The following UBXN6 variants were observed in gnomAD, a reference collection of about 807,000 sequenced individuals.
The protein encoded by UBXN6 is UBX domain-containing protein 6.
A neutral mutation model predicts 51.4 loss-of-function variants in UBXN6; 44 were observed. The observed-to-expected ratio is 0.86, with a 90% CI of 0.67 to 1.10. The LOEUF (loss-of-function observed/expected upper bound fraction) is 1.10, where lower values mean the gene tolerates loss of function less well. UBXN6 is among the 50% of genes least tolerant of loss of function. The pLI is 0.00. For synonymous variants in UBXN6, 316 were observed against 263.2 expected, an observed-to-expected ratio of 1.20 and a Z score of -1.94; for missense variants, 672 against 596.1, an observed-to-expected ratio of 1.13 and a Z score of -1.32.
In UBXN6 at chr19:4,446,123, G is replaced by A; in HGVS notation, c.1126C>T (p.Pro376Ser). 1 of 1,612,356 alleles carries A rather than the reference G, an allele frequency of 6.2e-7. No individual in the cohort carries two copies. The highest frequency in any genetic ancestry group is 8.5e-7 in the Non-Finnish European group (1 of 1,179,850). Residue 376 changes from proline to serine, a missense_variant, in exon 10 of 11, where the codon CCT becomes TCT. Coordinates refer to ENST00000301281, the MANE Select transcript of UBXN6 (RefSeq NM_025241.3). ...CCTCCCGAGGCCAGCAGCTCAAAAGGCAGCCAGTCGCTCTGCAGGGCCTCC... is the reference window on the plus strand; with the variant it reads ...CCTCCCGAGGCCAGCAGCTCAAAAGACAGCCAGTCGCTCTGCAGGGCCTCC... ...VREALQSDWL[P>S]FELLASGGQK... is the part of the protein sequence containing the mutation.
chr19:4,445,712 C>T (rs1974496354), intron 10 of UBXN6, 89 bp from the exon 11 acceptor site: 2 of 1,545,822 alleles, frequency 1.3e-6, no homozygotes, highest in South Asian at 2.4e-5. Flanking sequence ...CGCGGGGATG[C>T]CCCGGCCTGG....
Position 4,447,579 on chromosome 19 carries a change from TC to T in UBXN6, c.585del (p.Lys196ArgfsTer47). ...AACACCTTGTTCTGCAGCTTGATCT[TC>T]CGGTACTTCTCCTCCTCGGGGTGCA... ...IHLHPEEEKY[R>X]KIKLQNKVFQ... On this transcript the variant is annotated frameshift_variant, in exon 6 of 11. Coordinates refer to ENST00000301281, the MANE Select transcript of UBXN6 (RefSeq NM_025241.3). LOFTEE classifies it high-confidence loss of function. 1 of 1,613,892 alleles carries T rather than the reference TC, an allele frequency of 6.2e-7. No individual in the cohort carries two copies.
At chr19:4,447,365 G>A (rs1974556275) in intron 6 of UBXN6, 185 bp downstream of exon 6, 1 of 624,104 alleles carries the variant, frequency 1.6e-6, no homozygotes, top group South Asian at 1.8e-5. Flanking sequence ...GGTGACCGGT[G>A]CATAAAAGTC....
In UBXN6 at chr19:4,447,118, T is replaced by C. The variant is rs1342541451; in HGVS notation, c.616-198A>G. On this transcript the variant is annotated intron_variant, in intron 6 of 10. Coordinates refer to ENST00000301281, the MANE Select transcript of UBXN6 (RefSeq NM_025241.3). Reference sequence around the variant, plus strand: ...GGGGCTGTGGAGTCTCCAACAGCTCTGCACAGAGGAAAGAGTCACAACCAG... The same window carrying C: ...GGGGCTGTGGAGTCTCCAACAGCTCCGCACAGAGGAAAGAGTCACAACCAG... 1.5e-5 allele frequency: 9 copies of C among 610,882 alleles called. No individual in the cohort carries two copies. In the East Asian group the frequency reaches 2.5e-4, roughly 17 times the overall value. 37.8% of individuals were successfully genotyped at this position (610,882 alleles called of 1,614,324 possible). A position where few individuals can be genotyped will look rare whatever the true frequency, so the allele number is the denominator to read the frequency against.
chr19:4,446,483 G>A lies in UBXN6; in HGVS notation c.920+17C>T, dbSNP rs750616649. On this transcript the variant is annotated intron_variant, in intron 8 of 10. Transcript: ENST00000301281. ...ACCCCGCCCCGCCCCACTCTGCTCC[G>A]CGGACGTCAGGCCCACCTGAGCCTC... The A allele has an allele frequency of 1.3e-5, 21 of 1,599,684 alleles. 1 individual carries two copies. The Admixed American group carries it at 1.3e-4, about 10-fold the overall frequency.
chr19:4,452,634 G>A (rs146438565), intron 3 of UBXN6, 142 bp from the exon 4 acceptor site: 10 of 1,203,602 alleles, frequency 8.3e-6, no homozygotes, highest in Non-Finnish European at 1.1e-5. Context: ...GGCCGTGGGA[G>A]ACACCCTGGC....
chr19:4,445,317 C>G lies in UBXN6; in HGVS notation c.*181G>C. 9.3e-7 allele frequency: 1 copy of G among 1,074,066 alleles called. No individual in the cohort carries two copies. Among genetic ancestry groups the G allele is most frequent in the East Asian group, 2.4e-5 (1 of 40,946 alleles). The allele number at this position is 1,074,066 out of a possible 1,614,324, so 66.5% of individuals were successfully genotyped here. The stretch of plus-strand genomic sequence containing the variant: ...GGCTTGGGCGCATCCCCACAGCCCC[C>G]AAGGGATGGGGGCTCTGCCACGGGG... On this transcript the variant is annotated 3_prime_UTR_variant, in exon 11 of 11. Transcript: ENST00000301281.
At chr19:4,447,019 AG>A in intron 6 of UBXN6, 99 bp from the exon 7 acceptor site, 1 of 1,228,676 alleles carries the variant, frequency 8.1e-7, no homozygotes, top group South Asian at 1.3e-5. Context: ...TATTGGGAGC[AG>A]CTGTCGACCC....
At position 4,446,164 on chromosome 19, in the gene UBXN6, ACCGCCCCCAG is replaced by A. The variant is rs890523071; in HGVS notation, c.1075_1084del (p.Leu359CysfsTer34). 3 of 1,608,226 alleles carry A rather than the reference ACCGCCCCCAG, an allele frequency of 1.9e-6. No homozygotes were observed. Among genetic ancestry groups the A allele is most frequent in the African/African-American group, 1.3e-5 (1 of 74,944 alleles). The stretch of plus-strand genomic sequence containing the variant: ...CAGGGCCTCCCGGACGAACCCGTAC[ACCGCCCCCAG>A]CCGCTCCCGAGCGTAGAAAGTGCCT... On this transcript the variant is annotated frameshift_variant, in exon 10 of 11. Transcript: ENST00000301281. LOFTEE classifies it high-confidence loss of function.
rs1974542624 is a variant in UBXN6, at chr19:4,446,870, C to T, written c.666G>A (p.Gly222=). The T allele has an allele frequency of 6.2e-7, 1 of 1,613,944 alleles. No homozygotes were observed. The highest frequency in any genetic ancestry group is 8.5e-7 in the Non-Finnish European group (1 of 1,180,034). Residue 222 remains glycine, a synonymous_variant, in exon 7 of 11, where the codon GGG becomes GGA. Transcript: ENST00000301281. ...EGTHEFFEAI[G]FQKVLLPAQD... ...GGGCGGGAAGCAACACCTTCTGGAA[C>T]CCAATGGCCTCAAAAAACTCGTGGG...
In UBXN6 at chr19:4,457,645, C is replaced by T. The variant is rs781417516; in HGVS notation, c.53G>A (p.Gly18Glu). Reference protein sequence around the residue: ...FKADIKFKSAGPGQKLKESVG... With the variant: ...FKADIKFKSAEPGQKLKESVG... Reference sequence around the variant, plus strand: ...GGACTCTTTGAGCTTCTGACCGGGTCCCGCGCTCTTGAACTTGATGTCGGC... The same window carrying T: ...GGACTCTTTGAGCTTCTGACCGGGTTCCGCGCTCTTGAACTTGATGTCGGC... The change falls in exon 1 of 11, where the codon GGA becomes GAA. Residue 18 changes from glycine to glutamate, a missense_variant. Physicochemically the swap from Gly to Glu is moderately conservative, Grantham distance 98 (BLOSUM62 -2). Coordinates refer to ENST00000301281, the MANE Select transcript of UBXN6 (RefSeq NM_025241.3). The T allele has an allele frequency of 6.4e-5, 103 of 1,603,042 alleles. No individual in the cohort carries two copies. The highest frequency in any genetic ancestry group is 1.6e-4 in the East Asian group (7 of 43,930).
rs1479293153 is a variant in UBXN6 at position 4,446,654 on chromosome 19, G to A, written c.766C>T (p.His256Tyr). ...TLAQPQSLER[H>Y]KEQLLAAEPV... is the part of the protein sequence containing the mutation. ...TCCGCAGCCAGCAGCTGTTCCTTGT[G>A]CCTCTCCAGGCTCTGGGGCTGGGCC... Residue 256 changes from histidine (H) to tyrosine (Y), a missense_variant, in exon 8 of 11, where the codon CAC (histidine) becomes TAC (tyrosine). Transcript: ENST00000301281. 6 of 1,612,318 alleles carry A rather than the reference G, an allele frequency of 3.7e-6. No individual in the cohort carries two copies. The highest frequency in any genetic ancestry group is 5.1e-6 in the Non-Finnish European group (6 of 1,179,404).
intron 4 of UBXN6, among the ~76,000 whole-genome samples, chr19:4,451,046 ATTTTG>A (rs920893062): frequency 4.6e-5 from 7 of 151,932 alleles, no homozygotes; most frequent in Admixed American, 1.3e-4. Flanking sequence ...AACTATTACT[ATTTTG>A]TTTTGTTTTG....
intron 4 of UBXN6, 198 bp from the exon 5 acceptor site, chr19:4,448,613 A>G: frequency 1.7e-6 from 1 of 596,662 alleles, no homozygotes; most frequent in Admixed American, 2.9e-5. Flanking sequence ...GAGGCGACGC[A>G]GCCAAGACCC....
In UBXN6 at chr19:4,445,120, T is replaced by C. The variant is rs756076182; in HGVS notation, c.*378A>G. The C allele has an allele frequency of 1.2e-5, 3 of 241,940 alleles. No homozygotes were observed. Among genetic ancestry groups the C allele is most frequent in the Non-Finnish European group, 2.5e-5 (3 of 121,832 alleles). The allele number at this position is 241,940 out of a possible 1,614,324, so 15.0% of individuals were successfully genotyped here. ...ACCCACATCCACAGAGCAGCCCTAG[T>C]GCCAGGTGCAGCCACTGCCACCCAC... On this transcript the variant is annotated 3_prime_UTR_variant, in exon 11 of 11. Coordinates refer to ENST00000301281, the MANE Select transcript of UBXN6 (RefSeq NM_025241.3).
intron 4 of UBXN6, 190 bp from the exon 5 acceptor site, chr19:4,448,605 G>A (rs1342484793): frequency 3.3e-6 from 2 of 603,132 alleles, no homozygotes; most frequent in Non-Finnish European, 5.9e-6. Flanking sequence ...CCAGGGCAGA[G>A]GCGACGCAGC....
rs574168708 is a variant in UBXN6 at position 4,457,225 on chromosome 19, C to T, written c.83+390G>A. 9.2e-5 allele frequency among the ~76,000 whole-genome samples: 14 copies of T among 151,842 alleles called. No individual in the cohort carries two copies. The South Asian group carries it at 2.7e-3, about 29-fold the overall frequency. On this transcript the variant is annotated intron_variant, in intron 1 of 10. Transcript: ENST00000301281. Reference sequence around the variant, plus strand: ...CTCAGGACTCATGATCCCGTTTTTCCCCAAAGGTCGTTCCACTGACCCCCA... The same window carrying T: ...CTCAGGACTCATGATCCCGTTTTTCTCCAAAGGTCGTTCCACTGACCCCCA...
intron 1 of UBXN6, 23 bp from the exon 2 acceptor site, chr19:4,454,116 T>A (rs1974703901): frequency 1.3e-6 from 2 of 1,509,670 alleles, no homozygotes; most frequent in Non-Finnish European, 1.8e-6. Context: ...CGAGGGAGAG[T>A]GAGTGTATCC....
At chr19:4,452,703 C>T (rs894126408) in intron 3 of UBXN6, among the ~76,000 whole-genome samples, 2 of 152,166 alleles carry the variant, frequency 1.3e-5, no homozygotes, top group African/African-American at 4.8e-5. Context: ...GTGGGGCCTG[C>T]TCAGAACTAA....
Sources: allele counts gnomAD v4.1 joint callset (sites outside exome capture counted in the v4.1 genomes callset), GRCh38; gene constraint gnomAD v4.1.1; transcripts MANE v1.5; gene names NCBI Gene and HGNC (gene_info 2026-07-23, HGNC 2026-07-21).